RMND1: variants seen among roughly 807,000 people sequenced by gnomAD.
RMND1 encodes the protein required for meiotic nuclear division protein 1 homolog.
A neutral mutation model predicts 54.0 loss-of-function variants in RMND1; 41 were observed. That is an observed-to-expected ratio of 0.76 (90% CI 0.59 to 0.98). The LOEUF is 0.98. Ranked by LOEUF, RMND1 falls within the 50% of genes least tolerant of loss-of-function variation. RMND1 has a pLI of 0.00. For synonymous variants in RMND1, 183 were observed against 181.7 expected (o/e 1.01, Z -0.06); for missense variants, 457 against 532.0 (o/e 0.86, Z 1.39).
At chr6:151,451,770 T>C (rs543723313) in intron 1 of RMND1, among the ~76,000 whole-genome samples, 4 of 152,292 alleles carry the variant, frequency 2.6e-5, no homozygotes, top group African/African-American at 9.6e-5. Context: ...TGCCGTTCAA[T>C]TCCTCAAACT....
At position 151,445,512 on chromosome 6, in the gene RMND1, G is replaced by C; in HGVS notation, c.300C>G (p.Ser100=). The C allele has an allele frequency of 6.2e-7, 1 of 1,614,218 alleles. No individual in the cohort carries two copies. Among genetic ancestry groups the C allele is most frequent in the Non-Finnish European group, 8.5e-7 (1 of 1,180,034 alleles). Residue 100 remains serine (S), a synonymous_variant, in exon 2 of 12, where the codon TCC becomes TCG. Coordinates refer to ENST00000444024, the MANE Select transcript of RMND1 (RefSeq NM_017909.4). ...DEKAHLPTMK[S]FGTHRRVTHK... ...GGGTCACTCTCCTGTGAGTACCAAA[G>C]GATTTCATGGTTGGAAGGTGTGCCT...
chr6:151,436,590 A>G, intron 2 of RMND1, 36 bp from the exon 3 acceptor site: 1 of 1,608,216 alleles, frequency 6.2e-7, no homozygotes, highest in East Asian at 2.2e-5. Flanking sequence ...TGGGTTACCA[A>G]GAGGCTGAAG....
At chr6:151,428,142 T>C (rs908153969) in intron 5 of RMND1, among the ~76,000 whole-genome samples, 5 of 152,012 alleles carry the variant, frequency 3.3e-5, no homozygotes, top group Admixed American at 1.3e-4. Context: ...AAATAAAAAG[T>C]AAAGCCCAAC....
At chr6:151,412,613 A>AC (rs1779881196) in intron 10 of RMND1, among the ~76,000 whole-genome samples, 1 of 152,112 alleles carries the variant, frequency 6.6e-6, no homozygotes, top group Non-Finnish European at 1.5e-5. Context: ...AATACCTGAG[A>AC]CGGGGTAATT....
intron 7 of RMND1, among the ~76,000 whole-genome samples, chr6:151,423,245 G>A (rs912728639): frequency 5.3e-5 from 8 of 151,974 alleles, no homozygotes; most frequent in African/African-American, 1.9e-4. Flanking sequence ...AATAACAATC[G>A]CATAGAGAGA....
chr6:151,446,713 T>C (rs1780962663), intron 1 of RMND1, among the ~76,000 whole-genome samples: 1 of 152,096 alleles, frequency 6.6e-6, no homozygotes, highest in African/African-American at 2.4e-5. Flanking sequence ...AAAACCAGCC[T>C]GGCCAACATG....
At chr6:151,416,166 A>T (rs551639348) in intron 10 of RMND1, among the ~76,000 whole-genome samples, 1 of 151,928 alleles carries the variant, frequency 6.6e-6, no homozygotes. Flanking sequence ...TTTAGTAGAG[A>T]CAGCGTTTTA....
intron 1 of RMND1, among the ~76,000 whole-genome samples, chr6:151,450,159 G>C (rs1004463257): frequency 2.5e-5 from 3 of 122,108 alleles, no homozygotes; most frequent in Non-Finnish European, 5.2e-5. Flanking sequence ...CATCTAGGAA[G>C]TGAGGAGCAC....
chr6:151,421,636 CAGTT>C (rs1163397834), intron 8 of RMND1, among the ~76,000 whole-genome samples: 13 of 152,122 alleles, frequency 8.5e-5, no homozygotes, highest in Admixed American at 7.9e-4. Context: ...AATAAAGACA[CAGTT>C]AATTACAATA....
chr6:151,405,702 A>G lies in RMND1; in HGVS notation c.1317+18T>C, dbSNP rs542600582. 3 of 1,177,510 alleles carry G rather than the reference A, an allele frequency of 2.5e-6. No individual in the cohort carries two copies. The highest frequency in any genetic ancestry group is 3.0e-5 in the African/African-American group (2 of 66,690). 72.9% of individuals were successfully genotyped at this position (1,177,510 alleles called of 1,614,324 possible). ...AAAAGATGGTAACTGATCATAGTAC[A>G]GAGCATTTCCATCTTACCTCTATGG... On this transcript the variant is annotated intron_variant, in intron 11 of 11. Coordinates refer to ENST00000444024, the MANE Select transcript of RMND1 (RefSeq NM_017909.4).
intron 2 of RMND1, among the ~76,000 whole-genome samples, chr6:151,440,081 C>T (rs1035920434): frequency 6.6e-6 from 1 of 152,060 alleles, no homozygotes; most frequent in Admixed American, 6.5e-5. Context: ...CTCAACCTCC[C>T]GAGTAGCTAG....
intron 6 of RMND1, among the ~76,000 whole-genome samples, chr6:151,424,131 G>C (rs1385567697): frequency 2.0e-5 from 3 of 152,038 alleles, no homozygotes; most frequent in South Asian, 2.1e-4. Flanking sequence ...GACTACAGGT[G>C]CGAGCCACCT....
chr6:151,405,525 AG>A (rs2114907757), intron 11 of RMND1, among the ~76,000 whole-genome samples, 194 bp downstream of exon 11: 1 of 152,370 alleles, frequency 6.6e-6, no homozygotes, highest in Non-Finnish European at 1.5e-5. Context: ...AATTTTAAAA[AG>A]TGGAACCTTT....
At chr6:151,429,382 A>G (rs1023285546) in intron 5 of RMND1, among the ~76,000 whole-genome samples, 3 of 152,126 alleles carry the variant, frequency 2.0e-5, no homozygotes, top group African/African-American at 7.2e-5. Flanking sequence ...TGGTCTCCCA[A>G]AGTGCTGGGA....
At chr6:151,425,171 G>A (rs1485711911) in intron 6 of RMND1, among the ~76,000 whole-genome samples, 1 of 152,176 alleles carries the variant, frequency 6.6e-6, no homozygotes, top group Admixed American at 6.5e-5. Context: ...TTGAACTCCT[G>A]ACCTCAAGTG....
At chr6:151,448,213 C>T (rs1185078642) in intron 1 of RMND1, among the ~76,000 whole-genome samples, 4 of 152,246 alleles carry the variant, frequency 2.6e-5, no homozygotes, top group South Asian at 4.1e-4. Context: ...ATCAATACAT[C>T]GGACCTCCTC....
At chr6:151,440,049 T>C (rs1171384664) in intron 2 of RMND1, among the ~76,000 whole-genome samples, 1 of 151,980 alleles carries the variant, frequency 6.6e-6, no homozygotes, top group African/African-American at 2.4e-5. Flanking sequence ...CTCTACCCCC[T>C]GGATTCAAGT....
intron 6 of RMND1, 86 bp downstream of exon 6, chr6:151,427,396 C>A: frequency 1.3e-6 from 1 of 751,976 alleles, no homozygotes; most frequent in Admixed American, 2.7e-5. Flanking sequence ...AAAAAGTTTC[C>A]ATATGCATAA....
At chr6:151,436,717 T>C (rs1780626856) in intron 2 of RMND1, 163 bp from the exon 3 acceptor site, 3 of 586,696 alleles carry the variant, frequency 5.1e-6, no homozygotes, top group Non-Finnish European at 2.8e-6. Context: ...ATGAAGAGAA[T>C]GAAGTTACTG....
Sources: allele counts gnomAD v4.1 joint callset (sites outside exome capture counted in the v4.1 genomes callset), GRCh38; gene constraint gnomAD v4.1.1; transcripts MANE v1.5; gene names NCBI Gene and HGNC (gene_info 2026-07-23, HGNC 2026-07-21).